Variants in CNTN1 observed in about 807,000 individuals in gnomAD.
The protein encoded by CNTN1 is contactin-1.
A neutral mutation model predicts 126.4 loss-of-function variants in CNTN1; 38 were observed. The ratio of observed to expected loss-of-function variants is 0.30; its 90% CI spans 0.23 to 0.39. The LOEUF (loss-of-function observed/expected upper bound fraction) is 0.39. Among genes scored for constraint, CNTN1 ranks in the 10% least tolerant of loss-of-function variants. CNTN1 has a pLI of 1.00. For synonymous variants in CNTN1, 413 were observed against 422.6 expected, an observed-to-expected ratio of 0.98 and a Z score of 0.28; for missense variants, 1,009 against 1,248.4, an observed-to-expected ratio of 0.81 and a Z score of 2.89.
chr12:41,067,226 T>C (rs1035185633), intron 23 of CNTN1, among the ~76,000 whole-genome samples: 4 of 152,164 alleles, frequency 2.6e-5, no homozygotes, highest in Non-Finnish European at 5.9e-5. Flanking sequence ...ATAACACACG[T>C]AAACATGGAG....
chr12:40,930,249 G>A (rs1945838021), intron 7 of CNTN1, among the ~76,000 whole-genome samples: 1 of 151,874 alleles, frequency 6.6e-6, no homozygotes, highest in South Asian at 2.1e-4. Flanking sequence ...AAATACACAG[G>A]GGACTGATAC....
At chr12:40,980,757 C>T in intron 15 of CNTN1, 152 bp from the exon 16 acceptor site, 1 of 740,412 alleles carries the variant, frequency 1.4e-6, no homozygotes, top group Non-Finnish European at 2.3e-6. Context: ...GATATCACTT[C>T]TTATAATCTA....
At chr12:40,837,898 T>C (rs1465809030) in intron 1 of CNTN1, among the ~76,000 whole-genome samples, 2 of 152,112 alleles carry the variant, frequency 1.3e-5, no homozygotes, top group African/African-American at 4.8e-5. Context: ...AGGCTACCAC[T>C]GGTAGTGGTG....
At chr12:40,822,548 A>G (rs1479720359) in intron 1 of CNTN1, among the ~76,000 whole-genome samples, 2 of 152,094 alleles carry the variant, frequency 1.3e-5, no homozygotes, top group African/African-American at 2.4e-5. Flanking sequence ...TGATACTTGT[A>G]GCTCTATTGT....
At chr12:40,710,707 A>AT (rs1196059663) in intron 1 of CNTN1, among the ~76,000 whole-genome samples, 1 of 152,150 alleles carries the variant, frequency 6.6e-6, no homozygotes, top group Non-Finnish European at 1.5e-5. Context: ...CATTTAAGAT[A>AT]TTTTTTGAGT....
chr12:40,831,167 G>A (rs1423343395), intron 1 of CNTN1, among the ~76,000 whole-genome samples: 2 of 143,994 alleles, frequency 1.4e-5, no homozygotes, highest in Non-Finnish European at 3.0e-5. Context: ...TACTGTAAAT[G>A]TATAGTATAT....
At chr12:40,781,798 C>T (rs973282674) in intron 1 of CNTN1, among the ~76,000 whole-genome samples, 3 of 151,928 alleles carry the variant, frequency 2.0e-5, no homozygotes, top group Non-Finnish European at 2.9e-5. Context: ...CTATTATAGT[C>T]AGAATGGATC....
rs571722073 is a variant in CNTN1, at chr12:40,891,332, G to A, written c.-76-17025G>A. Among the ~76,000 whole-genome samples the A allele has an allele frequency of 1.3e-4, 20 of 152,158 alleles. 1 individual carries two copies. The highest frequency in any genetic ancestry group is 2.6e-4 in the Admixed American group (4 of 15,270). On this transcript the variant is annotated intron_variant, in intron 1 of 23. Coordinates refer to ENST00000551295, the MANE Select transcript of CNTN1 (RefSeq NM_001843.4). ...GGCTTGTCTTCTCCTTCTCTTGACC[G>A]TGTCTTTTGCAGAGCAGGAATTTTA... is the stretch of plus-strand genomic sequence containing the variant.
chr12:40,791,979 G>T (rs1940237144), intron 1 of CNTN1, among the ~76,000 whole-genome samples: 1 of 152,078 alleles, frequency 6.6e-6, no homozygotes. Context: ...CCATTCAAAA[G>T]AACACAATGT....
At chr12:40,940,726 A>G (rs769658022) in intron 12 of CNTN1, among the ~76,000 whole-genome samples, 11 of 152,188 alleles carry the variant, frequency 7.2e-5, no homozygotes, top group Non-Finnish European at 1.6e-4. Context: ...GAGGGCAGGG[A>G]CATCAGGGGC....
At chr12:40,872,208 TTGTTTGTGTGTGTGTGTGTGTGTGTGTG>T (rs1301147919) in intron 1 of CNTN1, among the ~76,000 whole-genome samples, 3 of 124,048 alleles carry the variant, frequency 2.4e-5, no homozygotes, top group African/African-American at 5.9e-5. Context: ...TTCCGTTGCT[TTGTTTGTGTGTGTGTGTGTGTGTGTGTG>T]TGTGTGTGTG....
intron 1 of CNTN1, among the ~76,000 whole-genome samples, chr12:40,850,990 T>C (rs528369671): frequency 1.3e-4 from 20 of 152,314 alleles, no homozygotes; most frequent in African/African-American, 4.8e-4. Flanking sequence ...TTGTCTTGAA[T>C]AGGGAATTAC....
At chr12:40,910,889 A>G (rs1200407024) in intron 3 of CNTN1, among the ~76,000 whole-genome samples, 2 of 152,204 alleles carry the variant, frequency 1.3e-5, no homozygotes, top group Non-Finnish European at 2.9e-5. Context: ...AAAATCATGA[A>G]GAATCACTGA....
chr12:40,716,683 G>A (rs1942058310), intron 1 of CNTN1, among the ~76,000 whole-genome samples: 1 of 152,094 alleles, frequency 6.6e-6, no homozygotes, highest in South Asian at 2.1e-4. Context: ...TGAGAATTTG[G>A]CAACAATTAT....
intron 19 of CNTN1, among the ~76,000 whole-genome samples, chr12:41,019,276 C>A (rs748378266): frequency 6.6e-6 from 1 of 152,216 alleles, no homozygotes; most frequent in South Asian, 2.1e-4. Flanking sequence ...TACCTTCTCA[C>A]CTTTTTACTG....
chr12:40,959,776 C>A (rs1947041900), intron 15 of CNTN1, among the ~76,000 whole-genome samples: 1 of 151,980 alleles, frequency 6.6e-6, no homozygotes. Flanking sequence ...AATGCAACCC[C>A]TTTGCTACTG....
intron 15 of CNTN1, among the ~76,000 whole-genome samples, chr12:40,970,314 TC>T (rs1208002881): frequency 1.3e-5 from 2 of 151,576 alleles, no homozygotes; most frequent in Non-Finnish European, 2.9e-5. Context: ...CAAACTGCGT[TC>T]AAAAGAAAAA....
chr12:40,707,745 G>A (rs964991554), intron 1 of CNTN1, among the ~76,000 whole-genome samples: 1 of 152,116 alleles, frequency 6.6e-6, no homozygotes, highest in African/African-American at 2.4e-5. Context: ...GTTTCATTGT[G>A]AGATGAAGAG....
chr12:40,856,334 A>G (rs955126072), intron 1 of CNTN1, among the ~76,000 whole-genome samples: 3 of 152,168 alleles, frequency 2.0e-5, no homozygotes, highest in Non-Finnish European at 4.4e-5. Flanking sequence ...GAAAAACTCA[A>G]TAAATTTCTG....
Sources: gnomAD v4.1 joint callset for allele counts (sites outside exome capture counted in the v4.1 genomes callset) on GRCh38, gnomAD v4.1.1 for gene constraint, MANE v1.5 for transcripts, NCBI Gene and HGNC (gene_info 2026-07-23, HGNC 2026-07-21) for gene names.